Variants in JAZF1 observed in about 807,000 individuals in gnomAD.
JAZF1 encodes juxtaposed with another zinc finger protein 1.
In JAZF1, 8 loss-of-function variants were observed where a neutral mutation model predicts 26.4. The observed-to-expected ratio is 0.30, with a 90% CI of 0.18 to 0.55. The LOEUF (loss-of-function observed/expected upper bound fraction) is 0.55, where lower values mean the gene tolerates loss of function less well. Among genes scored for constraint, JAZF1 ranks in the 20% least tolerant of loss-of-function variants. The probability of loss-of-function intolerance (pLI) is 0.94; values close to 1 mark genes in which losing one functional copy is unlikely to be tolerated. For synonymous variants in JAZF1, 126 were observed against 122.3 expected (o/e 1.03, Z -0.20); for missense variants, 199 against 322.0 (o/e 0.62, Z 2.92).
chr7:27,974,893 T>C (rs944945592), intron 2 of JAZF1, among the ~76,000 whole-genome samples: 3 of 151,678 alleles, frequency 2.0e-5, no homozygotes, highest in Admixed American at 6.6e-5. Context: ...GGGAGTTTTT[T>C]TTTTTTTTTG....
intron 1 of JAZF1, among the ~76,000 whole-genome samples, chr7:28,098,747 G>A (rs1325258274): frequency 1.3e-5 from 2 of 152,144 alleles, no homozygotes; most frequent in Non-Finnish European, 2.9e-5. Flanking sequence ...AATGGTAACC[G>A]CTAACACTGA....
chr7:28,124,443 A>C (rs952736326), intron 1 of JAZF1, among the ~76,000 whole-genome samples: 33 of 152,312 alleles, frequency 2.2e-4, no homozygotes, highest in African/African-American at 7.9e-4. Context: ...AGAGGTTCCA[A>C]GTATCTGCTG....
At chr7:28,088,967 C>T (rs1480467309) in intron 1 of JAZF1, among the ~76,000 whole-genome samples, 3 of 152,210 alleles carry the variant, frequency 2.0e-5, no homozygotes, top group African/African-American at 4.8e-5. Context: ...ATCAGCACTG[C>T]GCATACTCAT....
At chr7:28,156,011 A>G (rs886998964) in intron 1 of JAZF1, among the ~76,000 whole-genome samples, 1 of 152,242 alleles carries the variant, frequency 6.6e-6, no homozygotes. Flanking sequence ...TGGTATGTAC[A>G]TATACATACA....
intron 2 of JAZF1, among the ~76,000 whole-genome samples, chr7:27,948,557 T>C (rs1379181115): frequency 2.0e-5 from 3 of 152,324 alleles, no homozygotes; most frequent in African/African-American, 7.2e-5. Flanking sequence ...TGACTTATCA[T>C]TTGTACACCC....
At chr7:28,067,817 C>T (rs958758368) in intron 1 of JAZF1, among the ~76,000 whole-genome samples, 1 of 152,172 alleles carries the variant, frequency 6.6e-6, no homozygotes, top group African/African-American at 2.4e-5. Context: ...TGCTCACTTG[C>T]TAATCAGTGC....
intron 3 of JAZF1, among the ~76,000 whole-genome samples, chr7:27,858,696 G>A (rs1783319016): frequency 1.3e-5 from 2 of 152,102 alleles, no homozygotes; most frequent in Admixed American, 1.3e-4. Context: ...AACTGAAACT[G>A]GACCCCTTCT....
chr7:28,012,504 C>T (rs1782814948), intron 1 of JAZF1, among the ~76,000 whole-genome samples: 1 of 152,168 alleles, frequency 6.6e-6, no homozygotes, highest in African/African-American at 2.4e-5. Context: ...TCTTGGGATA[C>T]AAATTTGTTG....
At chr7:28,114,925 A>G (rs1784718723) in intron 1 of JAZF1, among the ~76,000 whole-genome samples, 1 of 152,176 alleles carries the variant, frequency 6.6e-6, no homozygotes, top group Non-Finnish European at 1.5e-5. Context: ...GTGTGTTCAG[A>G]GACTCAAATT....
intron 1 of JAZF1, among the ~76,000 whole-genome samples, chr7:28,025,752 T>C (rs190032916): frequency 7.2e-5 from 11 of 152,270 alleles, no homozygotes; most frequent in Non-Finnish European, 1.3e-4. Context: ...GCAGCAGATG[T>C]TGGACTGATG....
intron 1 of JAZF1, among the ~76,000 whole-genome samples, chr7:28,128,200 C>A (rs1337185920): frequency 6.6e-6 from 1 of 152,130 alleles, no homozygotes; most frequent in Non-Finnish European, 1.5e-5. Flanking sequence ...CCTAGAGTAG[C>A]AGCTGATGCA....
chr7:28,012,287 G>T (rs1452795944), intron 1 of JAZF1, among the ~76,000 whole-genome samples: 1 of 152,134 alleles, frequency 6.6e-6, no homozygotes, highest in Non-Finnish European at 1.5e-5. Context: ...TTGAAAACAG[G>T]TCGCTTCTAT....
intron 1 of JAZF1, among the ~76,000 whole-genome samples, chr7:28,071,390 G>C (rs958291646): frequency 3.9e-5 from 6 of 152,170 alleles, no homozygotes; most frequent in Admixed American, 2.0e-4. Flanking sequence ...ACAGTTTAGT[G>C]GCTAAATGCA....
At chr7:27,960,052 A>C (rs1442585962) in intron 2 of JAZF1, among the ~76,000 whole-genome samples, 1 of 152,200 alleles carries the variant, frequency 6.6e-6, no homozygotes, top group Non-Finnish European at 1.5e-5. Flanking sequence ...CTACCTTGCC[A>C]CCTACTTTAC....
intron 1 of JAZF1, among the ~76,000 whole-genome samples, chr7:28,016,355 A>AG (rs559255515): frequency 7.6e-4 from 116 of 152,358 alleles, no homozygotes; most frequent in African/African-American, 2.6e-3. Flanking sequence ...AAGAGAGCTA[A>AG]GAGGCCTGAA....
rs545512736 is a variant in JAZF1 at position 27,907,626 on chromosome 7, C to T, written c.189-12210G>A. 2.6e-5 allele frequency among the ~76,000 whole-genome samples: 4 copies of T among 152,214 alleles called. No homozygotes were observed. The South Asian group carries it at 6.2e-4, about 24-fold the overall frequency. Reference sequence around the variant, plus strand: ...CATCCAGCTAAGAACAAGGGACTCCCGGGGAATCTAGCACCAGGGGGTGAG... The same window carrying T: ...CATCCAGCTAAGAACAAGGGACTCCTGGGGAATCTAGCACCAGGGGGTGAG... On this transcript the variant is annotated intron_variant, in intron 2 of 4. Transcript: ENST00000283928.
intron 4 of JAZF1, among the ~76,000 whole-genome samples, chr7:27,835,658 T>C (rs1583421784): frequency 6.6e-6 from 1 of 152,206 alleles, no homozygotes; most frequent in African/African-American, 2.4e-5. Flanking sequence ...ATCGCAAATG[T>C]TAGTACAAGG....
At chr7:27,985,714 G>A (rs569492089) in intron 2 of JAZF1, among the ~76,000 whole-genome samples, 5 of 152,258 alleles carry the variant, frequency 3.3e-5, no homozygotes, top group African/African-American at 1.2e-4. Context: ...ATAAAATACT[G>A]GCAAACCAAA....
intron 1 of JAZF1, among the ~76,000 whole-genome samples, chr7:28,134,108 C>T (rs868752392): frequency 1.3e-5 from 2 of 152,136 alleles, no homozygotes; most frequent in African/African-American, 4.8e-5. Flanking sequence ...CATTGAACAG[C>T]GCCTGGTGGG....
Sources: allele counts gnomAD v4.1 joint callset (sites outside exome capture counted in the v4.1 genomes callset), GRCh38; gene constraint gnomAD v4.1.1; transcripts MANE v1.5; gene names NCBI Gene and HGNC (gene_info 2026-07-23, HGNC 2026-07-21).